Variants in EYS observed in about 807,000 individuals in gnomAD.
EYS encodes the protein protein eyes shut homolog.
Under a neutral mutation model 282.1 loss-of-function variants are expected in EYS, and 250 were observed. The observed-to-expected ratio is 0.89, with a 90% confidence interval of 0.80 to 0.98. The LOEUF is 0.98. Ranked by LOEUF, EYS falls within the 50% of genes least tolerant of loss-of-function variation. The pLI is 0.00. For missense variants in EYS, 4,016 were observed against 3,709.0 expected, an observed-to-expected ratio of 1.08 and a Z score of -2.15; for synonymous variants, 1,355 against 1,282.9, an observed-to-expected ratio of 1.06 and a Z score of -1.20.
chr6:64,896,546 T>A (rs1387922880), intron 18 of EYS, among the ~76,000 whole-genome samples: 1 of 76,222 alleles, frequency 1.3e-5, no homozygotes, highest in African/African-American at 3.8e-5. Flanking sequence ...GGAGTTGTTG[T>A]TTTTTTTTTT....
intron 26 of EYS, among the ~76,000 whole-genome samples, chr6:64,460,970 C>A (rs1775726166): frequency 1.3e-5 from 2 of 152,094 alleles, no homozygotes; most frequent in African/African-American, 4.8e-5. Context: ...GGTATACAGA[C>A]AAAGACTATG....
intron 29 of EYS, among the ~76,000 whole-genome samples, chr6:64,361,389 A>C (rs777364125): frequency 1.3e-4 from 19 of 151,766 alleles, no homozygotes; most frequent in Non-Finnish European, 2.5e-4. Context: ...TTATAGGAAT[A>C]CGAATAAGGA....
chr6:64,059,056 T>C (rs1383317445), intron 33 of EYS, among the ~76,000 whole-genome samples: 6 of 152,200 alleles, frequency 3.9e-5, no homozygotes, highest in Non-Finnish European at 8.8e-5. Context: ...CCTGGAACTT[T>C]TTGTTCTCAT....
intron 35 of EYS, among the ~76,000 whole-genome samples, chr6:63,931,099 C>G (rs1463279395): frequency 1.3e-5 from 2 of 152,140 alleles, no homozygotes; most frequent in African/African-American, 4.8e-5. Flanking sequence ...TGTATGATCA[C>G]CTGAGATTAG....
intron 22 of EYS, among the ~76,000 whole-genome samples, chr6:64,811,738 G>A (rs928271248): frequency 1.3e-5 from 2 of 152,038 alleles, no homozygotes; most frequent in African/African-American, 2.4e-5. Flanking sequence ...CCATCCTATG[G>A]TGCAGCATGA....
chr6:65,039,594 T>C (rs1262076212), intron 13 of EYS, among the ~76,000 whole-genome samples: 1 of 151,592 alleles, frequency 6.6e-6, no homozygotes, highest in African/African-American at 2.4e-5. Context: ...TGTGATGTGA[T>C]TACATTTTTC....
chr6:63,738,553 C>G (rs1448930695), intron 41 of EYS, among the ~76,000 whole-genome samples: 84 of 126,590 alleles, frequency 6.6e-4, no homozygotes, highest in African/African-American at 2.4e-3. Flanking sequence ...CACATGGACA[C>G]AGGAAGGGGA....
intron 33 of EYS, among the ~76,000 whole-genome samples, chr6:64,062,726 G>A (rs1582216615): frequency 6.7e-6 from 1 of 148,820 alleles, no homozygotes; most frequent in Non-Finnish European, 1.5e-5. Context: ...AGAAACTTAT[G>A]TTCTCCCTTT....
chr6:65,496,399 C>G (rs1301499971), intron 2 of EYS, among the ~76,000 whole-genome samples: 1 of 151,532 alleles, frequency 6.6e-6, no homozygotes, highest in Non-Finnish European at 1.5e-5. Context: ...AAGGTAACTA[C>G]CAATTATTGA....
intron 27 of EYS, 46 bp downstream of exon 27, chr6:64,439,116 A>G (rs1774850079): frequency 2.8e-6 from 3 of 1,084,788 alleles, no homozygotes; most frequent in African/African-American, 3.3e-5. Flanking sequence ...ACATAATTAG[A>G]ACAACTTTGT....
intron 19 of EYS, among the ~76,000 whole-genome samples, chr6:64,851,268 C>T (rs1178195481): frequency 1.3e-5 from 2 of 152,026 alleles, no homozygotes; most frequent in Non-Finnish European, 2.9e-5. Context: ...TAGAGTTTTC[C>T]TTGATGACAT....
chr6:64,419,019 A>G (rs1451721331), intron 28 of EYS, among the ~76,000 whole-genome samples: 1 of 151,986 alleles, frequency 6.6e-6, no homozygotes, highest in African/African-American at 2.4e-5. Flanking sequence ...AAAATGCAAG[A>G]TCAAATAGAA....
At chr6:63,755,514 G>C (rs1451397809) in intron 41 of EYS, among the ~76,000 whole-genome samples, 1 of 152,200 alleles carries the variant, frequency 6.6e-6, no homozygotes, top group African/African-American at 2.4e-5. Context: ...CCAGTACCAT[G>C]CTGTTTTGGT....
chr6:64,098,275 T>C (rs1391316230), intron 31 of EYS, among the ~76,000 whole-genome samples: 5 of 152,224 alleles, frequency 3.3e-5, no homozygotes, highest in Admixed American at 3.3e-4. Context: ...TAATAGACTA[T>C]CAAAAGTATG....
intron 35 of EYS, among the ~76,000 whole-genome samples, chr6:63,916,220 G>A (rs375980902): frequency 2.1e-4 from 32 of 152,252 alleles, no homozygotes; most frequent in African/African-American, 7.0e-4. Flanking sequence ...CTCTACCTGC[G>A]GAAAGATGAC....
At chr6:63,872,311 GGTGT>G (rs750156894) in intron 35 of EYS, among the ~76,000 whole-genome samples, 4 of 150,526 alleles carry the variant, frequency 2.7e-5, no homozygotes, top group Non-Finnish European at 4.4e-5. Context: ...CATACCAGGT[GGTGT>G]GTGTGTGTGT....
intron 26 of EYS, among the ~76,000 whole-genome samples, chr6:64,481,529 CAT>C (rs34541000): frequency 0.32 from 47,575 of 150,682 alleles, 7,584 homozygotes; most frequent in East Asian, 0.5. Flanking sequence ...CACACACACA[CAT>C]ACACATATAT....
chr6:64,156,115 C>T (rs1582355131), intron 31 of EYS, among the ~76,000 whole-genome samples: 1 of 151,454 alleles, frequency 6.6e-6, no homozygotes, highest in South Asian at 2.1e-4. Flanking sequence ...TGTCCCCACC[C>T]AAATATCATC....
At chr6:64,599,385 T>C (rs1766693855) in intron 24 of EYS, among the ~76,000 whole-genome samples, 1 of 152,190 alleles carries the variant, frequency 6.6e-6, no homozygotes, top group Non-Finnish European at 1.5e-5. Context: ...AGGCAGAGCC[T>C]ATAATACATG....
Sources: gnomAD v4.1 joint callset for allele counts (sites outside exome capture counted in the v4.1 genomes callset) on GRCh38, gnomAD v4.1.1 for gene constraint, MANE v1.5 for transcripts, NCBI Gene and HGNC (gene_info 2026-07-23, HGNC 2026-07-21) for gene names.